PLXDC2: variants seen among roughly 807,000 people sequenced by gnomAD.
PLXDC2 encodes plexin domain containing 2.
A neutral mutation model predicts 68.9 loss-of-function variants in PLXDC2; 40 were observed. That is an observed-to-expected ratio of 0.58 (90% confidence interval 0.45 to 0.76). The LOEUF is 0.76. Among genes scored for constraint, PLXDC2 ranks in the 30% least tolerant of loss-of-function variants. The pLI is 0.00. For synonymous variants in PLXDC2, 243 were observed against 234.2 expected (o/e 1.04, Z -0.34); for missense variants, 644 against 661.9 (o/e 0.97, Z 0.30).
intron 1 of PLXDC2, among the ~76,000 whole-genome samples, chr10:19,892,874 C>G (rs148179516): frequency 6.6e-6 from 1 of 151,202 alleles, no homozygotes; most frequent in Non-Finnish European, 1.5e-5. Context: ...CCCAATCAGA[C>G]AGCAGGAGGA....
At chr10:20,119,010 G>A (rs577029108) in intron 4 of PLXDC2, among the ~76,000 whole-genome samples, 2 of 151,786 alleles carry the variant, frequency 1.3e-5, no homozygotes, top group Admixed American at 6.6e-5. Flanking sequence ...TTGCTTGAAG[G>A]TAAATTAATC....
At chr10:20,139,997 G>C (rs901745448) in intron 4 of PLXDC2, among the ~76,000 whole-genome samples, 1 of 151,546 alleles carries the variant, frequency 6.6e-6, no homozygotes, top group African/African-American at 2.4e-5. Context: ...AGAACTTGAA[G>C]TATAATAATA....
At chr10:19,854,341 A>G (rs187807614) in intron 1 of PLXDC2, among the ~76,000 whole-genome samples, 7 of 152,328 alleles carry the variant, frequency 4.6e-5, no homozygotes, top group Non-Finnish European at 8.8e-5. Context: ...ACTATAGCAG[A>G]CAAAAGTCCT....
intron 2 of PLXDC2, among the ~76,000 whole-genome samples, chr10:20,015,938 T>C (rs879857711): frequency 4.6e-5 from 7 of 152,182 alleles, no homozygotes; most frequent in African/African-American, 7.2e-5. Context: ...ACTCATATAC[T>C]AGTAACGACT....
intron 1 of PLXDC2, among the ~76,000 whole-genome samples, chr10:19,917,245 G>A (rs973455940): frequency 3.3e-5 from 5 of 151,988 alleles, no homozygotes; most frequent in Admixed American, 2.6e-4. Context: ...CTCCAAGGCT[G>A]GGCACAGAGG....
chr10:20,222,803 C>T (rs1835230395), intron 12 of PLXDC2, among the ~76,000 whole-genome samples: 1 of 151,692 alleles, frequency 6.6e-6, no homozygotes, highest in African/African-American at 2.4e-5. Flanking sequence ...AACTGGGCAA[C>T]ATAGCAAGAC....
intron 1 of PLXDC2, among the ~76,000 whole-genome samples, chr10:19,870,097 G>A (rs986520683): frequency 2.0e-5 from 3 of 152,172 alleles, no homozygotes; most frequent in Admixed American, 6.5e-5. Context: ...TCTTTGTAAT[G>A]TTTTGCACAA....
Position 20,260,967 on chromosome 10 carries a change from C to T in PLXDC2, c.1473+15462C>T, listed in dbSNP as rs150628022. Among the ~76,000 whole-genome samples the T allele has an allele frequency of 2.5e-3, 385 of 152,234 alleles. 1 individual carries two copies. Among genetic ancestry groups the T allele is most frequent in the African/African-American group, 9.0e-3 (372 of 41,520 alleles). On this transcript the variant is annotated intron_variant, in intron 13 of 13. Transcript: ENST00000377252. ...GAGTAATGTTGAGCGTCTTTTCATA[C>T]ACCTGTTGCCATTTTTGTGACTTCA...
At chr10:20,068,984 G>C (rs1275990161) in intron 4 of PLXDC2, among the ~76,000 whole-genome samples, 1 of 152,046 alleles carries the variant, frequency 6.6e-6, no homozygotes, top group East Asian at 1.9e-4. Flanking sequence ...AGGGAAGAAG[G>C]AGAAAAACAC....
At chr10:20,001,156 G>A (rs1215692476) in intron 1 of PLXDC2, among the ~76,000 whole-genome samples, 3 of 152,160 alleles carry the variant, frequency 2.0e-5, no homozygotes, top group Non-Finnish European at 4.4e-5. Flanking sequence ...CGGCACAGAT[G>A]AACAAAAGTG....
chr10:20,013,854 T>C (rs1161065925), intron 2 of PLXDC2, among the ~76,000 whole-genome samples: 1 of 152,204 alleles, frequency 6.6e-6, no homozygotes, highest in Non-Finnish European at 1.5e-5. Flanking sequence ...TTTATTTCTT[T>C]TACGAGTAAA....
At chr10:19,921,559 C>G (rs918802620) in intron 1 of PLXDC2, among the ~76,000 whole-genome samples, 1 of 152,200 alleles carries the variant, frequency 6.6e-6, no homozygotes, top group African/African-American at 2.4e-5. Flanking sequence ...CATTACGTAA[C>G]CAGACAAAAA....
chr10:20,238,021 G>A (rs1057168367), intron 12 of PLXDC2, among the ~76,000 whole-genome samples: 54 of 151,924 alleles, frequency 3.6e-4, no homozygotes, highest in African/African-American at 1.2e-3. Context: ...TACCATATTG[G>A]AGAATTACAC....
chr10:19,864,025 G>GT (rs1034500209), intron 1 of PLXDC2, among the ~76,000 whole-genome samples: 4 of 152,056 alleles, frequency 2.6e-5, no homozygotes, highest in African/African-American at 9.7e-5. Context: ...ATTAAAAAAA[G>GT]TTTTTTTGAG....
chr10:20,219,683 T>A (rs1212339897), intron 12 of PLXDC2, among the ~76,000 whole-genome samples: 1 of 152,186 alleles, frequency 6.6e-6, no homozygotes, highest in African/African-American at 2.4e-5. Flanking sequence ...GTGAACGATA[T>A]TGGCTATGTT....
At chr10:20,211,443 T>G (rs1301600652) in intron 9 of PLXDC2, among the ~76,000 whole-genome samples, 1 of 152,140 alleles carries the variant, frequency 6.6e-6, no homozygotes, top group Non-Finnish European at 1.5e-5. Context: ...GTGATTTGGT[T>G]GCCATGTGCG....
intron 4 of PLXDC2, among the ~76,000 whole-genome samples, chr10:20,117,239 T>C (rs1387876100): frequency 3.3e-5 from 5 of 152,108 alleles, no homozygotes; most frequent in African/African-American, 4.8e-5. Flanking sequence ...TTGTGAAAAA[T>C]GTCATAAAAA....
chr10:20,024,020 A>G (rs1564660278), intron 2 of PLXDC2, among the ~76,000 whole-genome samples: 1 of 152,128 alleles, frequency 6.6e-6, no homozygotes, highest in Non-Finnish European at 1.5e-5. Context: ...TTGATCTTAT[A>G]TATAAGATGT....
chr10:20,140,329 A>G lies in PLXDC2; in HGVS notation c.542-2966A>G, dbSNP rs868157519. Among the ~76,000 whole-genome samples the G allele has an allele frequency of 1.7e-4, 26 of 151,188 alleles. No individual in the cohort carries two copies. The Middle Eastern group carries it at 0.01, about 60-fold the overall frequency. Reference sequence around the variant, plus strand: ...AATAAAAATATAAATAAATAAATGAACAAACAAACAAACATATTGCTTAAA... The same window carrying G: ...AATAAAAATATAAATAAATAAATGAGCAAACAAACAAACATATTGCTTAAA... On this transcript the variant is annotated intron_variant, in intron 4 of 13. Transcript: ENST00000377252.
Sources: gnomAD v4.1 joint callset for allele counts (sites outside exome capture counted in the v4.1 genomes callset) on GRCh38, gnomAD v4.1.1 for gene constraint, MANE v1.5 for transcripts, NCBI Gene and HGNC (gene_info 2026-07-23, HGNC 2026-07-21) for gene names.